GLT8D1: variants seen among roughly 807,000 people sequenced by gnomAD.
GLT8D1 encodes the protein glycosyltransferase 8 domain containing 1.
In GLT8D1, 41 loss-of-function variants were observed where a neutral mutation model predicts 46.2. That is an observed-to-expected ratio of 0.89 (90% CI 0.69 to 1.15). GLT8D1 has a LOEUF of 1.15. Ranked by LOEUF, GLT8D1 falls within the 50% of genes most tolerant of loss-of-function variation. The probability of loss-of-function intolerance (pLI) is 0.00; values close to 1 mark genes in which losing one functional copy is unlikely to be tolerated. For synonymous variants in GLT8D1, 150 were observed against 154.2 expected (o/e 0.97, Z 0.20); for missense variants, 408 against 449.3 (o/e 0.91, Z 0.83).
Position 52,700,507 on chromosome 3 carries a change from A to G in GLT8D1, c.-36-11T>C. ...TATTAGTTTTTAACCCTACAAAACA[A>G]AAACAAGCCCCCAAAGTCAGTAAGC... On this transcript the variant is annotated splice_polypyrimidine_tract_variant and intron_variant, in intron 1 of 9. Coordinates refer to ENST00000266014, the MANE Select transcript of GLT8D1 (RefSeq NM_018446.4). The G allele has an allele frequency of 7.3e-7, 1 of 1,375,648 alleles. No individual in the cohort carries two copies. The highest frequency in any genetic ancestry group is 1.0e-6 in the Non-Finnish European group (1 of 976,952). 85.2% of individuals were successfully genotyped at this position (1,375,648 alleles called of 1,614,324 possible). A position where few individuals can be genotyped will look rare whatever the true frequency, so the allele number is the denominator to read the frequency against.
rs1228158844 is a variant in GLT8D1, at chr3:52,694,501, A to C, written c.*344T>G. 3.5e-6 allele frequency: 2 copies of C among 577,870 alleles called. No individual in the cohort carries two copies. Among genetic ancestry groups the C allele is most frequent in the Non-Finnish European group, 6.1e-6 (2 of 327,804 alleles). The allele number at this position is 577,870 out of a possible 1,614,324, so 35.8% of individuals were successfully genotyped here. A position where few individuals can be genotyped will look rare whatever the true frequency, so the allele number is the denominator to read the frequency against. ...AAAGAAGATACCTATTGAAAAATGT[A>C]AGTTTTATTTACAGATCAGGCCACA... On this transcript the variant is annotated 3_prime_UTR_variant, in exon 10 of 10. Transcript: ENST00000266014.
chr3:52,695,304 T>C lies in GLT8D1; in HGVS notation c.813-2A>G. On this transcript the variant is annotated splice_acceptor_variant, in intron 8 of 9. Transcript: ENST00000266014. LOFTEE classifies it high-confidence loss of function. ...AGGGTTCTGCTATACAGTCCCTCTC[T>C]TGGTGGGACAGAAAACAAATGTTTG... 6.2e-7 allele frequency: 1 copy of C among 1,600,052 alleles called. No individual in the cohort carries two copies. Among genetic ancestry groups the C allele is most frequent in the Non-Finnish European group, 8.6e-7 (1 of 1,168,502 alleles).
rs2097333521 is a variant in GLT8D1, at chr3:52,696,329, A to C, written c.448-11T>G. ...CCTTGCAAAGGTTAACTGGAAAAGG[A>C]AAGAATAATTGGCATAGGATACCGC... is the stretch of plus-strand genomic sequence containing the variant. On this transcript the variant is annotated splice_polypyrimidine_tract_variant and intron_variant, in intron 5 of 9. Coordinates refer to ENST00000266014, the MANE Select transcript of GLT8D1 (RefSeq NM_018446.4). 6.3e-7 allele frequency: 1 copy of C among 1,589,140 alleles called. No individual in the cohort carries two copies. The highest frequency in any genetic ancestry group is 8.6e-7 in the Non-Finnish European group (1 of 1,157,266).
At chr3:52,695,069 C>G (rs556660951) in intron 9 of GLT8D1, 34 bp from the exon 10 acceptor site, 3 of 1,531,392 alleles carry the variant, frequency 2.0e-6, no homozygotes, top group Non-Finnish European at 9.1e-7. Context: ...CACATCGTTG[C>G]GCCATGTGAA....
chr3:52,702,945 C>A (rs2097340619), intron 1 of GLT8D1: 1 of 151,290 alleles, frequency 6.6e-6, no homozygotes, highest in African/African-American at 2.4e-5. Flanking sequence ...CGCCACCACG[C>A]CCAGCTAATT....
At chr3:52,703,625 T>C (rs1470813024) in intron 1 of GLT8D1, 2 of 152,006 alleles carry the variant, frequency 1.3e-5, no homozygotes, top group Non-Finnish European at 2.9e-5. Flanking sequence ...CCCACTTAAT[T>C]AATGGTACAA....
intron 4 of GLT8D1, 80 bp from the exon 5 acceptor site, chr3:52,696,739 T>A (rs753444443): frequency 1.3e-6 from 1 of 792,278 alleles, no homozygotes; most frequent in Non-Finnish European, 2.2e-6. Flanking sequence ...AGAAACCCTA[T>A]GGACCAAATA....
chr3:52,698,242 CAAAA>C (rs1374872516), intron 3 of GLT8D1, among the ~76,000 whole-genome samples: 1 of 152,108 alleles, frequency 6.6e-6, no homozygotes, highest in East Asian at 1.9e-4. Context: ...GAAATATAAT[CAAAA>C]GAAAGAATTT....
At chr3:52,704,275 A>G (rs1479309870) in intron 1 of GLT8D1, among the ~76,000 whole-genome samples, 1 of 152,000 alleles carries the variant, frequency 6.6e-6, no homozygotes, top group Admixed American at 6.6e-5. Context: ...TCTGGCCAAC[A>G]CAGTGAAACC....
chr3:52,695,417 T>G lies in GLT8D1; in HGVS notation c.812+4A>C. ...TTTCACAGCTAGGCCAGTTACATAC[T>G]TACTCTACATTGAGTTTCATCCATT... is the stretch of plus-strand genomic sequence containing the variant. On this transcript the variant is annotated splice_donor_region_variant and intron_variant, in intron 8 of 9. Transcript: ENST00000266014. The G allele has an allele frequency of 6.2e-7, 1 of 1,612,648 alleles. No individual in the cohort carries two copies. The highest frequency in any genetic ancestry group is 8.5e-7 in the Non-Finnish European group (1 of 1,178,848).
chr3:52,700,520 A>G, intron 1 of GLT8D1, 24 bp from the exon 2 acceptor site: 6 of 1,189,750 alleles, frequency 5.0e-6, no homozygotes, highest in Non-Finnish European at 7.4e-6. Context: ...ACAAGCCCCC[A>G]AAGTCAGTAA....
Position 52,695,443 on chromosome 3 carries a change from T to C in GLT8D1, c.790A>G (p.Lys264Glu). ...KRQNITNQLE[K>E]WMKLNVEEGL... ...TACTCTACATTGAGTTTCATCCATT[T>C]TTCCAGTTGGTTAGTTATATTCTGT... The change falls in exon 8 of 10, where the codon AAA becomes GAA. Residue 264 changes from lysine to glutamate, a missense_variant. Transcript: ENST00000266014. 6.2e-7 allele frequency: 1 copy of C among 1,613,954 alleles called. No individual in the cohort carries two copies. Among genetic ancestry groups the C allele is most frequent in the Non-Finnish European group, 8.5e-7 (1 of 1,179,892 alleles).
At chr3:52,702,112 G>C (rs940690760) in intron 1 of GLT8D1, among the ~76,000 whole-genome samples, 1 of 152,122 alleles carries the variant, frequency 6.6e-6, no homozygotes, top group Non-Finnish European at 1.5e-5. Flanking sequence ...CAAGCCTCCT[G>C]CCTCAGCCTC....
At chr3:52,703,315 T>C (rs1389157730) in intron 1 of GLT8D1, 2 of 150,982 alleles carry the variant, frequency 1.3e-5, no homozygotes, top group African/African-American at 2.4e-5. Context: ...TCCCAGCTAT[T>C]TGAGAGGCTG....
chr3:52,705,221 T>A (rs1330479555), intron 1 of GLT8D1: 1 of 152,222 alleles, frequency 6.6e-6, no homozygotes, highest in Non-Finnish European at 1.5e-5. Flanking sequence ...TGAGTGAACC[T>A]TTGGCTGGCC....
intron 1 of GLT8D1, among the ~76,000 whole-genome samples, chr3:52,702,657 G>A (rs1448178741): frequency 1.3e-5 from 2 of 152,098 alleles, no homozygotes; most frequent in Non-Finnish European, 2.9e-5. Context: ...CCTGAGCCCA[G>A]GAGTTCCAGA....
chr3:52,700,564 C>G (rs1561267679), intron 1 of GLT8D1, 68 bp from the exon 2 acceptor site: 2 of 536,466 alleles, frequency 3.7e-6, no homozygotes, highest in Non-Finnish European at 6.6e-6. Context: ...TGCCCTAACA[C>G]TTTTTTTTTT....
Position 52,695,176 on chromosome 3 carries a change from T to C in GLT8D1, c.925+14A>G, listed in dbSNP as rs1372364070. On this transcript the variant is annotated intron_variant, in intron 9 of 9. Transcript: ENST00000266014. ...ATTCTTTACTAGCTTATGCCACTGGTTAATTCTACTTACCAAGGTGGCGGA... is the reference window on the plus strand; with the variant it reads ...ATTCTTTACTAGCTTATGCCACTGGCTAATTCTACTTACCAAGGTGGCGGA... 1 of 1,571,384 alleles carries C rather than the reference T, an allele frequency of 6.4e-7. No homozygotes were observed. Among genetic ancestry groups the C allele is most frequent in the East Asian group, 2.2e-5 (1 of 44,694 alleles).
intron 3 of GLT8D1, among the ~76,000 whole-genome samples, chr3:52,699,628 T>C (rs2097337542): frequency 6.6e-6 from 1 of 152,174 alleles, no homozygotes; most frequent in African/African-American, 2.4e-5. Flanking sequence ...CATGAGCCAC[T>C]GCTCCCGGCC....
Sources: allele counts gnomAD v4.1 joint callset (sites outside exome capture counted in the v4.1 genomes callset), GRCh38; gene constraint gnomAD v4.1.1; transcripts MANE v1.5; gene names NCBI Gene and HGNC (gene_info 2026-07-23, HGNC 2026-07-21).